The following FYN variants were observed in gnomAD, a reference collection of about 807,000 sequenced individuals.
FYN encodes the protein FYN proto-oncogene, Src family tyrosine kinase.
In FYN, 10 loss-of-function variants were observed where a neutral mutation model predicts 70.2. That is an observed-to-expected ratio of 0.14 (90% CI 0.09 to 0.24). FYN has a LOEUF of 0.24. Among genes scored for constraint, FYN ranks in the 10% least tolerant of loss-of-function variants. FYN has a pLI of 1.00. For synonymous variants in FYN, 236 were observed against 248.6 expected (o/e 0.95, Z 0.48); for missense variants, 319 against 673.1 (o/e 0.47, Z 5.82).
At chr6:111,795,714 A>G (rs375523625) in intron 2 of FYN, among the ~76,000 whole-genome samples, 1 of 152,216 alleles carries the variant, frequency 6.6e-6, no homozygotes, top group African/African-American at 2.4e-5. Flanking sequence ...TACTGAACAT[A>G]TTAGGCACTT....
chr6:111,805,373 A>G (rs1400241491), intron 2 of FYN, among the ~76,000 whole-genome samples: 2 of 152,222 alleles, frequency 1.3e-5, no homozygotes, highest in African/African-American at 4.8e-5. Flanking sequence ...TTTGGGACAT[A>G]CTTACATTAA....
At chr6:111,828,830 A>C (rs1772920654) in intron 2 of FYN, among the ~76,000 whole-genome samples, 1 of 152,266 alleles carries the variant, frequency 6.6e-6, no homozygotes, top group African/African-American at 2.4e-5. Flanking sequence ...GTTGCACAGC[A>C]ATGTGAATAC....
chr6:111,865,895 T>C (rs1016990184), intron 1 of FYN, among the ~76,000 whole-genome samples: 1 of 152,214 alleles, frequency 6.6e-6, no homozygotes, highest in Admixed American at 6.5e-5. Flanking sequence ...TTCTCAAGAA[T>C]GAAGGTGCTG....
chr6:111,823,224 G>C (rs1028726578), intron 2 of FYN, among the ~76,000 whole-genome samples: 2 of 152,172 alleles, frequency 1.3e-5, no homozygotes, highest in African/African-American at 2.4e-5. Context: ...GACCCACAGG[G>C]AACCGAACGG....
At chr6:111,771,076 G>A (rs1046689794) in intron 3 of FYN, among the ~76,000 whole-genome samples, 31 of 152,006 alleles carry the variant, frequency 2.0e-4, no homozygotes, top group African/African-American at 6.5e-4. Flanking sequence ...CACCATTCCC[G>A]GTCACTCCAA....
intron 1 of FYN, among the ~76,000 whole-genome samples, chr6:111,848,797 A>G (rs565356717): frequency 6.9e-4 from 105 of 152,380 alleles, no homozygotes; most frequent in African/African-American, 2.1e-3. Flanking sequence ...AAGTTGAGAA[A>G]AAGTAAATGT....
chr6:111,710,708 G>T (rs1800333991), intron 5 of FYN, among the ~76,000 whole-genome samples: 1 of 152,158 alleles, frequency 6.6e-6, no homozygotes, highest in Non-Finnish European at 1.5e-5. Context: ...GCCGTTGAGC[G>T]AGTGAATTAA....
intron 1 of FYN, among the ~76,000 whole-genome samples, chr6:111,859,580 C>G (rs900922927): frequency 3.9e-5 from 6 of 152,204 alleles, no homozygotes; most frequent in South Asian, 2.1e-4. Flanking sequence ...TTCTTACATG[C>G]AAATTTCACT....
At chr6:111,833,192 C>G (rs1174788354) in intron 2 of FYN, among the ~76,000 whole-genome samples, 3 of 152,106 alleles carry the variant, frequency 2.0e-5, no homozygotes, top group Non-Finnish European at 4.4e-5. Context: ...CCATTTTTCT[C>G]AGGTCAAGTG....
chr6:111,660,973 G>A lies in FYN; in HGVS notation c.*766C>T, dbSNP rs1021873746. The A allele has an allele frequency of 1.3e-5, 2 of 152,268 alleles. No individual in the cohort carries two copies. Among genetic ancestry groups the A allele is most frequent in the South Asian group, 4.1e-4 (2 of 4,824 alleles). The allele number at this position is 152,268 out of a possible 1,614,324, so 9.4% of individuals were successfully genotyped here. ...TAACAGAACTTGTAAATTCAGCTTG[G>A]GGGGTGGTTCCTGAAAAGAGTCAAA... On this transcript the variant is annotated 3_prime_UTR_variant, in exon 14 of 14. Transcript: ENST00000354650.
Position 111,714,379 on chromosome 6 carries a change from G to C in FYN, c.312C>G (p.His104Gln), listed in dbSNP as rs902458478. 1.2e-6 allele frequency: 2 copies of C among 1,613,806 alleles called. No individual in the cohort carries two copies. Among genetic ancestry groups the C allele is most frequent in the African/African-American group, 2.7e-5 (2 of 74,904 alleles). The change falls in exon 5 of 14, where the codon CAC (histidine) becomes CAG (glutamine). Residue 104 changes from histidine (H) to glutamine (Q), a missense_variant. Transcript: ENST00000354650. ...EARTEDDLSF[H>Q]KGEKFQILNS... ...TCAATATTTGAAATTTTTCTCCTTT[G>C]TGAAAACTCAGGTCATCTTCTGTCC...
intron 2 of FYN, among the ~76,000 whole-genome samples, chr6:111,785,838 G>A (rs1418848940): frequency 9.8e-6 from 1 of 101,764 alleles, no homozygotes; most frequent in Non-Finnish European, 1.9e-5. Context: ...CCCACGACAG[G>A]CCCCAGTGTG....
chr6:111,863,582 G>A (rs1562549955), intron 1 of FYN, among the ~76,000 whole-genome samples: 1 of 152,114 alleles, frequency 6.6e-6, no homozygotes, highest in Non-Finnish European at 1.5e-5. Context: ...AGGAGATCTG[G>A]CTCATTTTTA....
intron 5 of FYN, among the ~76,000 whole-genome samples, chr6:111,709,384 G>A (rs1462216222): frequency 2.6e-5 from 4 of 152,146 alleles, no homozygotes; most frequent in African/African-American, 9.7e-5. Context: ...TCTGAGCAAG[G>A]TGAGCAGTGA....
chr6:111,774,187 G>C (rs1392763686), intron 3 of FYN, among the ~76,000 whole-genome samples: 1 of 152,200 alleles, frequency 6.6e-6, no homozygotes, highest in Non-Finnish European at 1.5e-5. Context: ...TTTCCATATG[G>C]AGTGGGCCAT....
rs999469670 is a variant in FYN at position 111,692,106 on chromosome 6, C to T, written c.1273+2269G>A. Reference sequence around the variant, plus strand: ...CTGCCTTGCCAAGCTTCATTTCCCCCCCCCCCAGTTCAGCTCTCCAGTTCA... The same window carrying T: ...CTGCCTTGCCAAGCTTCATTTCCCCTCCCCCCAGTTCAGCTCTCCAGTTCA... On this transcript the variant is annotated intron_variant, in intron 12 of 13. Coordinates refer to ENST00000354650, the MANE Select transcript of FYN (RefSeq NM_002037.5). Among the ~76,000 whole-genome samples the T allele has an allele frequency of 4.7e-5, 7 of 148,162 alleles. 1 individual carries two copies. The highest frequency in any genetic ancestry group is 1.1e-4 in the Non-Finnish European group (7 of 66,622).
intron 1 of FYN, among the ~76,000 whole-genome samples, chr6:111,857,845 A>G (rs1378889022): frequency 6.6e-6 from 1 of 152,136 alleles, no homozygotes; most frequent in Non-Finnish European, 1.5e-5. Context: ...GGGAGATTAC[A>G]GACCATCACA....
intron 3 of FYN, among the ~76,000 whole-genome samples, chr6:111,720,480 C>A (rs1410911633): frequency 1.3e-5 from 2 of 152,074 alleles, no homozygotes; most frequent in Admixed American, 6.6e-5. Flanking sequence ...TCCATCAGGG[C>A]ACAGGAAATT....
At chr6:111,812,762 C>G (rs2114316378) in intron 2 of FYN, among the ~76,000 whole-genome samples, 1 of 151,958 alleles carries the variant, frequency 6.6e-6, no homozygotes, top group East Asian at 1.9e-4. Context: ...CACATTTAAC[C>G]AGCCTCAACT....
Sources: gnomAD v4.1 joint callset for allele counts (sites outside exome capture counted in the v4.1 genomes callset) on GRCh38, gnomAD v4.1.1 for gene constraint, MANE v1.5 for transcripts, NCBI Gene and HGNC (gene_info 2026-07-23, HGNC 2026-07-21) for gene names.